Variants in DMD observed in about 807,000 individuals in gnomAD.
DMD encodes the protein mutant dystrophin.
A neutral mutation model predicts 330.1 loss-of-function variants in DMD; 63 were observed. The ratio of observed to expected loss-of-function variants is 0.19; its 90% CI spans 0.16 to 0.24. The LOEUF is 0.24. Ranked by LOEUF, DMD falls within the 10% of genes least tolerant of loss-of-function variation. DMD has a pLI of 1.00. For missense variants in DMD, 3,344 were observed against 2,684.1 expected (o/e 1.25, Z -5.43); for synonymous variants, 1,223 against 959.8 (o/e 1.27, Z -5.07).
chrX:32,517,241 G>A (rs1340396829), intron 18 of DMD: 1 of 111,846 alleles, frequency 8.9e-6, no homozygotes, highest in Non-Finnish European at 1.9e-5. Context: ...TCCTTAGCTT[G>A]CCCATTTTAT....
chrX:31,344,707 A>G (rs1045914100), intron 61 of DMD, among the ~76,000 whole-genome samples: 15 of 110,232 alleles, frequency 1.4e-4, no homozygotes, highest in African/African-American at 5.0e-4. Flanking sequence ...AAAATTAGCC[A>G]AGCGTGGTGG....
chrX:32,566,128 A>C (rs889315673), intron 15 of DMD, among the ~76,000 whole-genome samples: 4 of 112,465 alleles, frequency 3.6e-5, no homozygotes, highest in African/African-American at 1.3e-4. Context: ...TACTAGAGGT[A>C]ATTAAGAGCT....
At position 32,970,168 on chromosome X, in the gene DMD, CA is replaced by C. The variant is rs903463518; in HGVS notation, c.93+49970del. ...CTACTCTTTGGATAACCTTGTTTGA[CA>C]TTTTTTTTTACAGTGTGTAAAGCAA... is the stretch of plus-strand genomic sequence containing the variant. On this transcript the variant is annotated intron_variant, in intron 2 of 78. Coordinates refer to ENST00000357033, the MANE Select transcript of DMD (RefSeq NM_004006.3). 9.6e-5 allele frequency among the ~76,000 whole-genome samples: 9 copies of C among 94,041 alleles called. 4 individuals are homozygous for C. The highest frequency in any genetic ancestry group is 4.3e-4 in the African/African-American group (9 of 20,719). The allele number at this position is 94,041 out of a possible 115,157, so 81.7% of individuals were successfully genotyped here.
chrX:31,452,321 G>A (rs765388978), intron 59 of DMD, among the ~76,000 whole-genome samples: 2 of 108,453 alleles, frequency 1.8e-5, no homozygotes, highest in African/African-American at 3.5e-5. Context: ...GGTGGCTCAC[G>A]CCTGTAATCC....
intron 1 of DMD, among the ~76,000 whole-genome samples, chrX:33,106,091 T>C (rs1400836200): frequency 1.9e-5 from 2 of 107,240 alleles, no homozygotes; most frequent in Non-Finnish European, 3.9e-5. Context: ...CACCATAGAA[T>C]ACTACTCAGC....
chrX:32,834,885 A>G (rs1313156870), intron 4 of DMD, among the ~76,000 whole-genome samples: 1 of 111,498 alleles, frequency 9.0e-6, no homozygotes, highest in Non-Finnish European at 1.9e-5. Context: ...ATCGGAATTC[A>G]TAAAATGTAA....
At chrX:32,704,142 C>T (rs2064383387) in intron 7 of DMD, among the ~76,000 whole-genome samples, 1 of 111,458 alleles carries the variant, frequency 9.0e-6, no homozygotes, top group Admixed American at 9.6e-5. Context: ...GATCATTTTT[C>T]GAATAAAGAA....
chrX:33,277,178 G>A (rs2053248660), intron 1 of DMD, among the ~76,000 whole-genome samples: 1 of 111,142 alleles, frequency 9.0e-6, no homozygotes, highest in Non-Finnish European at 1.9e-5. Flanking sequence ...ACAAGGGGCT[G>A]CATACAGCAT....
chrX:32,821,537 G>T (rs956637191), intron 5 of DMD, among the ~76,000 whole-genome samples: 2 of 109,331 alleles, frequency 1.8e-5, no homozygotes, highest in South Asian at 8.0e-4. Flanking sequence ...GCAGTGAGCC[G>T]AGATCGCGCC....
intron 7 of DMD, among the ~76,000 whole-genome samples, chrX:32,717,840 G>T (rs1392360892): frequency 4.5e-5 from 5 of 111,730 alleles, no homozygotes; most frequent in Non-Finnish European, 9.4e-5. Flanking sequence ...TGGATGAGAT[G>T]TGGAGTCAAA....
chrX:31,519,138 C>T (rs1375361206), intron 55 of DMD, among the ~76,000 whole-genome samples: 1 of 112,147 alleles, frequency 8.9e-6, no homozygotes, highest in Non-Finnish European at 1.9e-5. Flanking sequence ...GAACACAATA[C>T]ACTCCTATTC....
At chrX:31,675,100 C>T (rs1157217959) in intron 53 of DMD, among the ~76,000 whole-genome samples, 1 of 112,429 alleles carries the variant, frequency 8.9e-6, no homozygotes, top group Non-Finnish European at 1.9e-5. Flanking sequence ...AAATTAACTA[C>T]TTTCTAACTT....
chrX:32,509,701 G>T (rs1250490556), intron 18 of DMD, among the ~76,000 whole-genome samples: 1 of 111,762 alleles, frequency 8.9e-6, no homozygotes, highest in African/African-American at 3.3e-5. Flanking sequence ...CTTCTTAGAA[G>T]TATTTGCTAA....
At position 32,948,837 on chromosome X, in the gene DMD, A is replaced by T. The variant is rs12688841; in HGVS notation, c.93+71302T>A. 0.01 allele frequency among the ~76,000 whole-genome samples: 1,159 copies of T among 112,054 alleles called. 48 individuals carry two copies. The East Asian group carries it at 0.17, about 16-fold the overall frequency. The stretch of plus-strand genomic sequence containing the variant: ...AGCAATAATATTTATGCAGCATTTT[A>T]CATTTTTAAAGTCCTTTAAATATTA... On this transcript the variant is annotated intron_variant, in intron 2 of 78. Transcript: ENST00000357033.
intron 2 of DMD, among the ~76,000 whole-genome samples, chrX:32,853,940 C>T (rs2081348376): frequency 9.0e-6 from 1 of 110,999 alleles, no homozygotes; most frequent in African/African-American, 3.3e-5. Context: ...ATTCTTACAT[C>T]AAACAAAATA....
At chrX:32,793,404 C>A (rs1402516152) in intron 7 of DMD, among the ~76,000 whole-genome samples, 3 of 109,080 alleles carry the variant, frequency 2.8e-5, no homozygotes, top group Non-Finnish European at 5.7e-5. Context: ...CAAACCAAAC[C>A]CAGAATTAGT....
At chrX:33,297,700 C>T (rs765339816) in intron 1 of DMD, among the ~76,000 whole-genome samples, 1 of 110,961 alleles carries the variant, frequency 9.0e-6, no homozygotes, top group East Asian at 2.8e-4. Context: ...ACTTGGAGGA[C>T]ATATGCTATG....
chrX:31,126,724 AC>A (rs771414438), intron 77 of DMD, 51 bp from the exon 78 acceptor site: 22 of 965,487 alleles, frequency 2.3e-5, no homozygotes, highest in South Asian at 4.0e-5. Context: ...GGGAAAAAAA[AC>A]ATGCATAAAT....
chrX:32,351,871 G>T (rs1281661567), intron 37 of DMD, among the ~76,000 whole-genome samples: 2 of 110,544 alleles, frequency 1.8e-5, no homozygotes, highest in African/African-American at 6.5e-5. Context: ...TGTAAAAAGA[G>T]CTTTGGGAGA....
Sources: allele counts gnomAD v4.1 joint callset (sites outside exome capture counted in the v4.1 genomes callset), GRCh38; gene constraint gnomAD v4.1.1; transcripts MANE v1.5; gene names NCBI Gene and HGNC (gene_info 2026-07-23, HGNC 2026-07-21).